The following ZBTB20 variants were observed in gnomAD, a reference collection of about 807,000 sequenced individuals.
ZBTB20 encodes the protein zinc finger and BTB domain-containing protein 20.
ZBTB20 carries 9 observed loss-of-function variants against 56.9 expected under a neutral mutation model. The ratio of observed to expected loss-of-function variants is 0.16; its 90% CI spans 0.10 to 0.28. The LOEUF is 0.28. Among genes scored for constraint, ZBTB20 ranks in the 10% least tolerant of loss-of-function variants. The pLI, the probability that ZBTB20 is intolerant of heterozygous loss-of-function variation, is 1.00. For missense variants in ZBTB20, 655 were observed against 1,003.0 expected, an observed-to-expected ratio of 0.65 and a Z score of 4.69; for synonymous variants, 417 against 420.7, an observed-to-expected ratio of 0.99 and a Z score of 0.11.
intron 3 of ZBTB20, among the ~76,000 whole-genome samples, chr3:114,950,974 A>C (rs937486511): frequency 2.0e-5 from 3 of 152,116 alleles, no homozygotes; most frequent in Non-Finnish European, 4.4e-5. Context: ...CTATTTCTAT[A>C]TTTTTCAAAA....
intron 5 of ZBTB20, among the ~76,000 whole-genome samples, chr3:114,746,498 G>T (rs1160003280): frequency 6.6e-6 from 1 of 152,064 alleles, no homozygotes; most frequent in Non-Finnish European, 1.5e-5. Context: ...CATGGAGGGA[G>T]AATTGGTCTT....
intron 2 of ZBTB20, among the ~76,000 whole-genome samples, chr3:114,999,294 G>T (rs928990357): frequency 7.6e-6 from 1 of 130,722 alleles, no homozygotes; most frequent in African/African-American, 2.8e-5. Context: ...AGGAAAGGGG[G>T]AGGGAAATGA....
intron 5 of ZBTB20, among the ~76,000 whole-genome samples, chr3:114,716,582 C>T (rs1177531072): frequency 1.3e-5 from 2 of 152,128 alleles, no homozygotes; most frequent in Non-Finnish European, 2.9e-5. Context: ...ATATTTGCCT[C>T]CTACCTTTTT....
At chr3:114,598,420 A>G (rs2056496444) in intron 6 of ZBTB20, among the ~76,000 whole-genome samples, 1 of 144,700 alleles carries the variant, frequency 6.9e-6, no homozygotes, top group Non-Finnish European at 1.5e-5. Flanking sequence ...AAAAAAATAG[A>G]CTTAAATGTG....
intron 5 of ZBTB20, among the ~76,000 whole-genome samples, chr3:114,724,415 T>G (rs1053148988): frequency 1.3e-5 from 2 of 152,206 alleles, no homozygotes; most frequent in Non-Finnish European, 2.9e-5. Flanking sequence ...TCATCTATTT[T>G]AACCCCTTCT....
At chr3:114,401,693 T>C (rs1201198163) in intron 7 of ZBTB20, among the ~76,000 whole-genome samples, 3 of 152,044 alleles carry the variant, frequency 2.0e-5, no homozygotes, top group Non-Finnish European at 4.4e-5. Context: ...TTGTAATACA[T>C]GATGAGGTCT....
chr3:114,647,581 T>A (rs1578147039), intron 6 of ZBTB20, among the ~76,000 whole-genome samples: 2 of 152,192 alleles, frequency 1.3e-5, no homozygotes, highest in East Asian at 3.9e-4. Context: ...AGCCATCAAT[T>A]TAAAATCAAA....
intron 1 of ZBTB20, among the ~76,000 whole-genome samples, chr3:115,105,981 C>T (rs964823809): frequency 3.9e-5 from 6 of 151,984 alleles, no homozygotes; most frequent in African/African-American, 1.4e-4. Context: ...CCATGCCTGT[C>T]TAATTTTTGT....
At chr3:114,612,583 T>A (rs2057640683) in intron 6 of ZBTB20, among the ~76,000 whole-genome samples, 1 of 152,184 alleles carries the variant, frequency 6.6e-6, no homozygotes. Context: ...GTCAGTGGTC[T>A]TTTCCAGTGA....
intron 6 of ZBTB20, among the ~76,000 whole-genome samples, chr3:114,558,544 T>A (rs2051560469): frequency 6.6e-6 from 1 of 152,082 alleles, no homozygotes; most frequent in South Asian, 2.1e-4. Flanking sequence ...AAAAGACATT[T>A]CAAATTCTCC....
rs2091255155 is a variant in ZBTB20 at position 114,446,082 on chromosome 3, G to GT, written c.-255+54269dup. The stretch of plus-strand genomic sequence containing the variant: ...TGTAGAAACAAATAAATGTATAATA[G>GT]TTTAAGTCCAGGAGTTTTTGCCTGA... On this transcript the variant is annotated intron_variant, in intron 7 of 11. Transcript: ENST00000675478. Among the ~76,000 whole-genome samples, 10 of 152,146 alleles carry GT rather than the reference G, an allele frequency of 6.6e-5. No homozygotes were observed. In the South Asian group the frequency reaches 1.9e-3, roughly 28 times the overall value.
rs750378491 is a variant in ZBTB20 at position 114,316,863 on chromosome 3, T to TAGC, written c.*22139_*22141dup. 3 of 223,992 alleles carry TAGC rather than the reference T, an allele frequency of 1.3e-5. No homozygotes were observed. The highest frequency in any genetic ancestry group is 5.2e-5 in the South Asian group (1 of 19,382). The allele number at this position is 223,992 out of a possible 1,614,324, so 13.9% of individuals were successfully genotyped here. ...TGGACATTCTGGACTCCGGGCACCT[T>TAGC]AGCAGCAGCAGCAGCACCTTTATGA... On this transcript the variant is annotated 3_prime_UTR_variant, in exon 12 of 12. Coordinates refer to ENST00000675478, the MANE Select transcript of ZBTB20 (RefSeq NM_001348800.3).
chr3:114,762,524 G>C (rs767677407), intron 5 of ZBTB20, among the ~76,000 whole-genome samples: 1 of 152,182 alleles, frequency 6.6e-6, no homozygotes, highest in Non-Finnish European at 1.5e-5. Flanking sequence ...TTATGGAGGA[G>C]CTGCAAGGAG....
rs184171335 is a variant in ZBTB20, at chr3:114,420,849, A to G, written c.-254-31744T>C. Among the ~76,000 whole-genome samples, 510 of 152,252 alleles carry G rather than the reference A, an allele frequency of 3.3e-3. 2 individuals are homozygous for G. Among genetic ancestry groups the G allele is most frequent in the Non-Finnish European group, 5.9e-3 (402 of 67,996 alleles). Reference sequence around the variant, plus strand: ...ATAACTGAATAACAGATTCTGGAAAATTAGAACTATCTCTCTTGCACTTGA... The same window carrying G: ...ATAACTGAATAACAGATTCTGGAAAGTTAGAACTATCTCTCTTGCACTTGA... On this transcript the variant is annotated intron_variant, in intron 7 of 11. Transcript: ENST00000675478.
At chr3:115,025,909 T>C (rs1210030305) in intron 2 of ZBTB20, among the ~76,000 whole-genome samples, 1 of 148,972 alleles carries the variant, frequency 6.7e-6, no homozygotes, top group Non-Finnish European at 1.5e-5. Flanking sequence ...ACTAAATATA[T>C]AAAATATTTA....
chr3:114,346,931 C>T (rs1361771659), intron 11 of ZBTB20, among the ~76,000 whole-genome samples: 1 of 151,986 alleles, frequency 6.6e-6, no homozygotes, highest in Non-Finnish European at 1.5e-5. Context: ...AGTGATCCAC[C>T]CACCTTTACC....
At chr3:114,877,420 C>T (rs1450278003) in intron 4 of ZBTB20, among the ~76,000 whole-genome samples, 2 of 152,300 alleles carry the variant, frequency 1.3e-5, no homozygotes, top group African/African-American at 4.8e-5. Context: ...AGATACACAT[C>T]ATGGAGCCAC....
At chr3:114,546,644 A>G (rs1264859900) in intron 6 of ZBTB20, among the ~76,000 whole-genome samples, 1 of 152,046 alleles carries the variant, frequency 6.6e-6, no homozygotes, top group African/African-American at 2.4e-5. Flanking sequence ...GAAGTCAGCA[A>G]ACATTTACTG....
intron 8 of ZBTB20, among the ~76,000 whole-genome samples, chr3:114,382,278 GCTCTCCAACCT>G (rs1393812164): frequency 6.6e-6 from 1 of 151,996 alleles, no homozygotes; most frequent in Non-Finnish European, 1.5e-5. Context: ...TTACTAACTG[GCTCTCCAACCT>G]CTTTCACTCC....
Sources: allele counts gnomAD v4.1 joint callset (sites outside exome capture counted in the v4.1 genomes callset), GRCh38; gene constraint gnomAD v4.1.1; transcripts MANE v1.5; gene names NCBI Gene and HGNC (gene_info 2026-07-23, HGNC 2026-07-21).